Variants in CDC73 observed in about 807,000 individuals in gnomAD.
CDC73 encodes cell division cycle 73.
A neutral mutation model predicts 83.7 loss-of-function variants in CDC73; 21 were observed. The observed-to-expected ratio is 0.25, with a 90% CI of 0.18 to 0.36. The LOEUF (loss-of-function observed/expected upper bound fraction) is 0.36, where lower values mean the gene tolerates loss of function less well. CDC73 is among the 10% of genes least tolerant of loss of function. CDC73 has a pLI of 1.00. For missense variants in CDC73, 342 were observed against 653.3 expected (o/e 0.52, Z 5.19); for synonymous variants, 224 against 212.9 (o/e 1.05, Z -0.45).
chr1:193,215,596 T>G (rs541148070), intron 13 of CDC73, among the ~76,000 whole-genome samples: 102 of 152,094 alleles, frequency 6.7e-4, no homozygotes, highest in Admixed American at 2.0e-4. Flanking sequence ...ACACAGGTTT[T>G]TTTTTTTTTT....
rs1447290543 is a variant in CDC73, at chr1:193,252,495, GA to G, written c.*1785del. ...TTATTTATGAACTTTACTTGAGACAGAATATGGTTAAAATTAGGAACATCTA... is the reference window on the plus strand; with the variant it reads ...TTATTTATGAACTTTACTTGAGACAGATATGGTTAAAATTAGGAACATCTA... On this transcript the variant is annotated 3_prime_UTR_variant, in exon 17 of 17. Coordinates refer to ENST00000367435, the MANE Select transcript of CDC73 (RefSeq NM_024529.5). 1 of 229,756 alleles carries G rather than the reference GA, an allele frequency of 4.4e-6. No homozygotes were observed. The highest frequency in any genetic ancestry group is 2.2e-5 in the African/African-American group (1 of 45,150). 14.2% of individuals were successfully genotyped at this position (229,756 alleles called of 1,614,324 possible). A position where few individuals can be genotyped will look rare whatever the true frequency, so the allele number is the denominator to read the frequency against.
At chr1:193,205,474 T>A (rs1190261695) in intron 11 of CDC73, among the ~76,000 whole-genome samples, 1 of 152,164 alleles carries the variant, frequency 6.6e-6, no homozygotes, top group Non-Finnish European at 1.5e-5. Context: ...GTGATTTCCC[T>A]GTGTCTTGTA....
At chr1:193,165,066 C>G (rs1268948300) in intron 10 of CDC73, among the ~76,000 whole-genome samples, 1 of 152,096 alleles carries the variant, frequency 6.6e-6, no homozygotes, top group African/African-American at 2.4e-5. Flanking sequence ...ATCTTTCTTT[C>G]TTTTTAAAGA....
At chr1:193,241,011 T>C (rs1677847057) in intron 15 of CDC73, among the ~76,000 whole-genome samples, 1 of 152,214 alleles carries the variant, frequency 6.6e-6, no homozygotes, top group Non-Finnish European at 1.5e-5. Context: ...TTCCTAAGTT[T>C]ATTTTTCATT....
At position 193,196,204 on chromosome 1, in the gene CDC73, G is replaced by C. The variant is rs6682904; in HGVS notation, c.973-7591G>C. On this transcript the variant is annotated intron_variant, in intron 10 of 16. Coordinates refer to ENST00000367435, the MANE Select transcript of CDC73 (RefSeq NM_024529.5). ...TAATGGTCCAACTTCGTCCTTTTGC[G>C]TGTGGCTATCCAGTTTCCCCAGCAC... 7.9e-5 allele frequency among the ~76,000 whole-genome samples: 12 copies of C among 152,140 alleles called. No homozygotes were observed. In the East Asian group the frequency reaches 2.1e-3, roughly 27 times the overall value.
At chr1:193,168,883 A>G (rs545414771) in intron 10 of CDC73, among the ~76,000 whole-genome samples, 4 of 152,356 alleles carry the variant, frequency 2.6e-5, no homozygotes, top group African/African-American at 7.2e-5. Context: ...GTTTGGTTGC[A>G]TTACAGTAAA....
At chr1:193,156,815 T>C (rs1288007434) in intron 10 of CDC73, among the ~76,000 whole-genome samples, 1 of 152,166 alleles carries the variant, frequency 6.6e-6, no homozygotes, top group African/African-American at 2.4e-5. Flanking sequence ...TCTATTTCCT[T>C]TTCTTCCTCT....
chr1:193,221,178 A>C (rs1677463746), intron 13 of CDC73, among the ~76,000 whole-genome samples: 1 of 152,208 alleles, frequency 6.6e-6, no homozygotes. Flanking sequence ...GAGGGAGCAC[A>C]TTGAGAAGAG....
At chr1:193,128,950 C>T (rs1675638536) in intron 2 of CDC73, among the ~76,000 whole-genome samples, 1 of 150,840 alleles carries the variant, frequency 6.6e-6, no homozygotes, top group South Asian at 2.1e-4. Context: ...CCTCAGTCTC[C>T]TGAGTAGCTG....
chr1:193,242,004 G>C (rs1460045011), intron 15 of CDC73, among the ~76,000 whole-genome samples: 1 of 152,220 alleles, frequency 6.6e-6, no homozygotes, highest in African/African-American at 2.4e-5. Context: ...GTGATTGGGA[G>C]AATCTGTCCT....
chr1:193,172,661 C>T lies in CDC73; in HGVS notation c.972+20217C>T, dbSNP rs187886301. Among the ~76,000 whole-genome samples the T allele has an allele frequency of 3.3e-5, 5 of 152,252 alleles. No homozygotes were observed. In the East Asian group the frequency reaches 7.7e-4, roughly 24 times the overall value. On this transcript the variant is annotated intron_variant, in intron 10 of 16. Coordinates refer to ENST00000367435, the MANE Select transcript of CDC73 (RefSeq NM_024529.5). Reference sequence around the variant, plus strand: ...GCATTCCATCACTCTTCCATTCAGACGTTTTGCTTTCTATCAGTTGTGAAG... The same window carrying T: ...GCATTCCATCACTCTTCCATTCAGATGTTTTGCTTTCTATCAGTTGTGAAG...
intron 10 of CDC73, chr1:193,180,155 A>G: frequency 1.3e-6 from 1 of 758,400 alleles, no homozygotes; most frequent in Non-Finnish European, 1.9e-6. Flanking sequence ...TAACTTCTTC[A>G]GAAATTAAAA....
intron 11 of CDC73, among the ~76,000 whole-genome samples, chr1:193,205,306 A>G (rs1197997192): frequency 6.7e-6 from 1 of 148,480 alleles, no homozygotes; most frequent in East Asian, 2.0e-4. Context: ...AATCTTCTGC[A>G]TGAATTTCAC....
Position 193,172,452 on chromosome 1 carries a change from A to C in CDC73, c.972+20008A>C, listed in dbSNP as rs183160540. On this transcript the variant is annotated intron_variant, in intron 10 of 16. Coordinates refer to ENST00000367435, the MANE Select transcript of CDC73 (RefSeq NM_024529.5). Reference sequence around the variant, plus strand: ...GTATAAATAGATTAGGGAAGAAGAGAGAATTAGTGAGCCAACCTTCCTGCA... The same window carrying C: ...GTATAAATAGATTAGGGAAGAAGAGCGAATTAGTGAGCCAACCTTCCTGCA... 6.8e-4 allele frequency among the ~76,000 whole-genome samples: 104 copies of C among 152,226 alleles called. 1 individual carries two copies. The highest frequency in any genetic ancestry group is 6.2e-3 in the Admixed American group (95 of 15,290).
chr1:193,233,908 G>A (rs926297156), intron 14 of CDC73, among the ~76,000 whole-genome samples: 1 of 151,816 alleles, frequency 6.6e-6, no homozygotes, highest in African/African-American at 2.4e-5. Flanking sequence ...CTTTAACCGG[G>A]AGTAAAAGTT....
At chr1:193,188,943 T>TTCTG (rs1394731821) in intron 10 of CDC73, among the ~76,000 whole-genome samples, 1 of 152,030 alleles carries the variant, frequency 6.6e-6, no homozygotes, top group East Asian at 1.9e-4. Context: ...ACCTCTTTCT[T>TTCTG]TCTGTCTGTC....
intron 5 of CDC73, 34 bp downstream of exon 5, chr1:193,135,623 T>C: frequency 2.0e-6 from 3 of 1,480,826 alleles, no homozygotes; most frequent in Non-Finnish European, 2.8e-6. Flanking sequence ...ATTTTATTTA[T>C]ATTGTTATTG....
chr1:193,134,403 G>A (rs1311495610), intron 3 of CDC73, among the ~76,000 whole-genome samples: 1 of 152,172 alleles, frequency 6.6e-6, no homozygotes, highest in Non-Finnish European at 1.5e-5. Flanking sequence ...GGGCACAGTG[G>A]CTCACACCTG....
chr1:193,204,190 C>CACAT (rs1677139460), intron 11 of CDC73, among the ~76,000 whole-genome samples: 1 of 123,282 alleles, frequency 8.1e-6, no homozygotes, highest in South Asian at 3.1e-4. Flanking sequence ...TATACACACA[C>CACAT]ACACATATAT....
Sources: gnomAD v4.1 joint callset for allele counts (sites outside exome capture counted in the v4.1 genomes callset) on GRCh38, gnomAD v4.1.1 for gene constraint, MANE v1.5 for transcripts, NCBI Gene and HGNC (gene_info 2026-07-23, HGNC 2026-07-21) for gene names.